RBFOX1: variants seen among roughly 807,000 people sequenced by gnomAD.
RBFOX1 encodes RNA binding protein fox-1 homolog 1.
RBFOX1 carries 8 observed loss-of-function variants against 57.7 expected under a neutral mutation model. The observed-to-expected ratio is 0.14, with a 90% CI of 0.08 to 0.25. The LOEUF is 0.25. Ranked by LOEUF, RBFOX1 falls within the 10% of genes least tolerant of loss-of-function variation. RBFOX1 has a pLI of 1.00. For missense variants in RBFOX1, 611 were observed against 548.5 expected, an observed-to-expected ratio of 1.11 and a Z score of -1.14; for synonymous variants, 326 against 222.4, an observed-to-expected ratio of 1.47 and a Z score of -4.15.
intron 1 of RBFOX1, among the ~76,000 whole-genome samples, chr16:5,452,696 T>C (rs1022868212): frequency 1.3e-5 from 2 of 151,478 alleles, no homozygotes; most frequent in East Asian, 3.9e-4. Context: ...CAGGCTGGAG[T>C]GCAATGGCGT....
At chr16:7,477,271 G>A (rs1010708702) in intron 4 of RBFOX1, among the ~76,000 whole-genome samples, 1 of 152,124 alleles carries the variant, frequency 6.6e-6, no homozygotes, top group African/African-American at 2.4e-5. Flanking sequence ...CCGGCAATGA[G>A]ACACAGGCTT....
chr16:6,722,858 C>G (rs2066303438), intron 3 of RBFOX1, among the ~76,000 whole-genome samples: 1 of 152,166 alleles, frequency 6.6e-6, no homozygotes, highest in Non-Finnish European at 1.5e-5. Context: ...CCAAATGTAG[C>G]TTTGGCACAC....
chr16:5,277,362 C>T (rs1185697606), intron 1 of RBFOX1, among the ~76,000 whole-genome samples: 2 of 151,914 alleles, frequency 1.3e-5, no homozygotes, highest in Non-Finnish European at 2.9e-5. Context: ...ACTGCTCTGG[C>T]GATGGGTGTG....
At chr16:5,582,407 C>T (rs1048224789) in intron 2 of RBFOX1, among the ~76,000 whole-genome samples, 1 of 152,186 alleles carries the variant, frequency 6.6e-6, no homozygotes, top group South Asian at 2.1e-4. Flanking sequence ...TTGGCATTGC[C>T]GGGTATTGTG....
chr16:5,542,546 C>T (rs1187459637), intron 2 of RBFOX1, among the ~76,000 whole-genome samples: 2 of 151,940 alleles, frequency 1.3e-5, no homozygotes, highest in African/African-American at 2.4e-5. Flanking sequence ...CGTGAACCAC[C>T]GCATCCAGCC....
intron 3 of RBFOX1, among the ~76,000 whole-genome samples, chr16:6,919,378 T>C (rs755165257): frequency 1.3e-5 from 2 of 152,268 alleles, no homozygotes; most frequent in African/African-American, 2.4e-5. Context: ...CCCAGCAGTT[T>C]AGGTTCTCTT....
At chr16:6,497,534 A>G (rs1031471845) in intron 2 of RBFOX1, among the ~76,000 whole-genome samples, 3 of 151,032 alleles carry the variant, frequency 2.0e-5, no homozygotes, top group Non-Finnish European at 4.4e-5. Flanking sequence ...TCCAGTATAA[A>G]TCCTTTACAC....
intron 1 of RBFOX1, among the ~76,000 whole-genome samples, chr16:6,127,638 C>T (rs951806715): frequency 3.9e-5 from 6 of 152,168 alleles, no homozygotes; most frequent in African/African-American, 1.4e-4. Context: ...TTTTAAACCA[C>T]CCTGCGTCCC....
At chr16:7,298,546 C>T (rs1000114053) in intron 4 of RBFOX1, among the ~76,000 whole-genome samples, 6 of 152,064 alleles carry the variant, frequency 3.9e-5, no homozygotes, top group African/African-American at 1.4e-4. Context: ...CTCGCCTTGG[C>T]CTCCCAAAGT....
intron 2 of RBFOX1, among the ~76,000 whole-genome samples, chr16:6,535,339 T>C (rs1204269802): frequency 6.6e-6 from 1 of 152,180 alleles, no homozygotes; most frequent in African/African-American, 2.4e-5. Flanking sequence ...TTGAAGCTCC[T>C]CTGGGTATGA....
chr16:7,155,590 T>G (rs1158504702), intron 4 of RBFOX1, among the ~76,000 whole-genome samples: 1 of 137,728 alleles, frequency 7.3e-6, no homozygotes, highest in Non-Finnish European at 1.5e-5. Context: ...GGTGAGCACT[T>G]GTCTGAAAAA....
At chr16:6,928,713 T>A (rs955224019) in intron 3 of RBFOX1, among the ~76,000 whole-genome samples, 1 of 152,130 alleles carries the variant, frequency 6.6e-6, no homozygotes, top group African/African-American at 2.4e-5. Flanking sequence ...AGTAAAAGAT[T>A]AAAATGTCTG....
At chr16:5,395,019 C>G (rs921544459) in intron 1 of RBFOX1, among the ~76,000 whole-genome samples, 1 of 152,172 alleles carries the variant, frequency 6.6e-6, no homozygotes, top group Non-Finnish European at 1.5e-5. Flanking sequence ...GCTCGGAGTC[C>G]CACATTTCAA....
chr16:5,356,432 C>G (rs537136949), intron 1 of RBFOX1, among the ~76,000 whole-genome samples: 2 of 152,196 alleles, frequency 1.3e-5, no homozygotes, highest in Non-Finnish European at 2.9e-5. Context: ...ATGTTTAATG[C>G]TATGCCCACA....
At chr16:7,598,338 T>C (rs1219209736) in intron 9 of RBFOX1, among the ~76,000 whole-genome samples, 1 of 152,194 alleles carries the variant, frequency 6.6e-6, no homozygotes, top group East Asian at 1.9e-4. Context: ...GATGATAATA[T>C]GCCAGAATGC....
chr16:5,863,675 G>A (rs979528208), intron 3 of RBFOX1, among the ~76,000 whole-genome samples: 1 of 152,186 alleles, frequency 6.6e-6, no homozygotes, highest in African/African-American at 2.4e-5. Context: ...AGGGGCCTCA[G>A]TAAAGTTTAC....
At chr16:5,307,736 C>A (rs2063975776) in intron 1 of RBFOX1, among the ~76,000 whole-genome samples, 1 of 152,154 alleles carries the variant, frequency 6.6e-6, no homozygotes, top group East Asian at 1.9e-4. Context: ...AGTGCAGGCA[C>A]CATCATATCT....
At chr16:7,141,558 T>G (rs549246652) in intron 4 of RBFOX1, among the ~76,000 whole-genome samples, 45 of 152,296 alleles carry the variant, frequency 3.0e-4, no homozygotes, top group African/African-American at 1.1e-3. Flanking sequence ...TATTTTTATT[T>G]TGGAAGGTGG....
chr16:7,311,478 C>CTTTTTTTTTTT (rs1190746565), intron 4 of RBFOX1, among the ~76,000 whole-genome samples: 1 of 122,522 alleles, frequency 8.2e-6, no homozygotes, highest in Non-Finnish European at 1.6e-5. Flanking sequence ...TGAGCCTTTT[C>CTTTTTTTTTTT]TTTTTTTTTT....
Sources: allele counts gnomAD v4.1 joint callset (sites outside exome capture counted in the v4.1 genomes callset), GRCh38; gene constraint gnomAD v4.1.1; transcripts MANE v1.5; gene names NCBI Gene and HGNC (gene_info 2026-07-23, HGNC 2026-07-21).